Variants in RINL observed in about 807,000 individuals in gnomAD.
RINL encodes Ras and Rab interactor like.
A neutral mutation model predicts 58.1 loss-of-function variants in RINL; 39 were observed. The observed-to-expected ratio is 0.67, with a 90% CI of 0.52 to 0.88. The LOEUF is 0.88. Ranked by LOEUF, RINL falls within the 40% of genes least tolerant of loss-of-function variation. The pLI, the probability that RINL is intolerant of heterozygous loss-of-function variation, is 0.00. For missense variants in RINL, 711 were observed against 749.2 expected (o/e 0.95, Z 0.60); for synonymous variants, 286 against 323.1 (o/e 0.89, Z 1.23).
In RINL at chr19:38,870,365, C is replaced by T. The variant is rs190257580; in HGVS notation, c.1025-105G>A. The T allele has an allele frequency of 3.0e-5, 32 of 1,071,508 alleles. No individual in the cohort carries two copies. The Admixed American group carries it at 8.5e-4, about 29-fold the overall frequency. 66.4% of individuals were successfully genotyped at this position (1,071,508 alleles called of 1,614,324 possible). ...GGCCCACAGCCACCCCTGCCTAGCT[C>T]TGGTCCCCCGTGAGTGTAGACATGG... On this transcript the variant is annotated intron_variant, in intron 8 of 11. Coordinates refer to ENST00000591812, the MANE Select transcript of RINL (RefSeq NM_001195833.2). This position sits in a 1 kb window ranked among gnomAD's most constrained non-coding sequence, Gnocchi z 5.8.
chr19:38,871,335 A>T, intron 6 of RINL, 108 bp from the exon 7 acceptor site: 1 of 1,276,858 alleles, frequency 7.8e-7, no homozygotes, highest in Non-Finnish European at 1.1e-6. Flanking sequence ...GGAGGTGCTG[A>T]GGCTTAGCTC....
In RINL at chr19:38,869,915, C is replaced by T. The variant is rs1972761044; in HGVS notation, c.1342+28G>A. ...GCTCCAACTCTCAAGGCTCTCCCCA[C>T]CACGCTAGACGTTGACCCCTCCCTT... On this transcript the variant is annotated intron_variant, in intron 9 of 11. Transcript: ENST00000591812. This position sits in a 1 kb window ranked among gnomAD's most constrained non-coding sequence, Gnocchi z 5.7. 10 of 1,573,368 alleles carry T rather than the reference C, an allele frequency of 6.4e-6. No individual in the cohort carries two copies. The East Asian group carries it at 2.1e-4, about 33-fold the overall frequency.
intron 3 of RINL, among the ~76,000 whole-genome samples, chr19:38,876,121 A>C (rs969748712): frequency 4.0e-5 from 6 of 148,876 alleles, no homozygotes; most frequent in Admixed American, 3.4e-4. Context: ...GTGAAGTGGC[A>C]TGATCTCAGC....
rs1972822802 is a variant in RINL at position 38,871,830 on chromosome 19, C to T, written c.354G>A (p.Leu118=). Residue 118 remains leucine, a synonymous_variant, in exon 5 of 12, where the codon CTG becomes CTA. Coordinates refer to ENST00000591812, the MANE Select transcript of RINL (RefSeq NM_001195833.2). Reference sequence around the variant, plus strand: ...CTGATAGAAAGGCCAGGAGATGGGGCAGGTCTGGCATGCAGAGGTTGGAGG... The same window carrying T: ...CTGATAGAAAGGCCAGGAGATGGGGTAGGTCTGGCATGCAGAGGTTGGAGG... ...LESSNLCMPD[L]PHLLAFLSAS... 1 of 1,613,992 alleles carries T rather than the reference C, an allele frequency of 6.2e-7. No homozygotes were observed. The highest frequency in any genetic ancestry group is 1.3e-5 in the African/African-American group (1 of 74,918).
chr19:38,876,532 G>T, intron 2 of RINL, 42 bp from the exon 3 acceptor site: 1 of 1,526,790 alleles, frequency 6.5e-7, no homozygotes, highest in Non-Finnish European at 8.8e-7. Context: ...TCAGAGGTGG[G>T]CAGTGGGACA....
intron 1 of RINL, among the ~76,000 whole-genome samples, chr19:38,877,085 T>C (rs975805336): frequency 6.6e-6 from 1 of 152,154 alleles, no homozygotes; most frequent in African/African-American, 2.4e-5. Context: ...GGGTAATTTT[T>C]GTATTTTTTA....
At chr19:38,871,975 C>A in intron 4 of RINL, 105 bp from the exon 5 acceptor site, 1 of 855,992 alleles carries the variant, frequency 1.2e-6, no homozygotes, top group East Asian at 2.6e-5. Context: ...CCCCCAGGGA[C>A]CTTCAGAACA....
In RINL at chr19:38,870,373, C is replaced by A; in HGVS notation, c.1025-113G>T. 9.5e-7 allele frequency: 1 copy of A among 1,048,702 alleles called. No individual in the cohort carries two copies. The highest frequency in any genetic ancestry group is 1.8e-5 in the South Asian group (1 of 56,956). The allele number at this position is 1,048,702 out of a possible 1,614,324, so 65.0% of individuals were successfully genotyped here. ...GCCACCCCTGCCTAGCTCTGGTCCC[C>A]CGTGAGTGTAGACATGGTTGTGAAC... is the stretch of plus-strand genomic sequence containing the variant. On this transcript the variant is annotated intron_variant, in intron 8 of 11. Coordinates refer to ENST00000591812, the MANE Select transcript of RINL (RefSeq NM_001195833.2). This position sits in a 1 kb window ranked among gnomAD's most constrained non-coding sequence, Gnocchi z 5.8.
In RINL at chr19:38,869,908, C is replaced by T. The variant is rs1484188488; in HGVS notation, c.1342+35G>A. ...CCGCCTGGCTCCAACTCTCAAGGCT[C>T]TCCCCACCACGCTAGACGTTGACCC... On this transcript the variant is annotated intron_variant, in intron 9 of 11. Transcript: ENST00000591812. The surrounding 1 kb of genome is among the most constrained non-coding windows in gnomAD (Gnocchi z 5.7). The T allele has an allele frequency of 1.3e-6, 2 of 1,564,720 alleles. No homozygotes were observed. The highest frequency in any genetic ancestry group is 1.2e-5 in the South Asian group (1 of 85,774).
chr19:38,876,174 C>T (rs1001414), intron 3 of RINL, among the ~76,000 whole-genome samples, 157 bp downstream of exon 3: 5,616 of 152,080 alleles, frequency 0.037, 330 homozygotes, highest in African/African-American at 0.13. Context: ...ATCCTCCCAC[C>T]TCAGCCTCAT....
intron 7 of RINL, 40 bp downstream of exon 7, chr19:38,871,038 C>A: frequency 6.3e-7 from 1 of 1,578,640 alleles, no homozygotes; most frequent in Non-Finnish European, 8.6e-7. Flanking sequence ...GGGGCAGCAG[C>A]TCCCTCCCCT....
At chr19:38,877,210 C>T (rs1370643124) in intron 1 of RINL, among the ~76,000 whole-genome samples, 3 of 152,284 alleles carry the variant, frequency 2.0e-5, no homozygotes, top group South Asian at 2.1e-4. Context: ...CCACCACACC[C>T]GGCCGGCAGG....
chr19:38,872,484 CAATAAATA>C (rs559628594), intron 4 of RINL, among the ~76,000 whole-genome samples: 2 of 151,434 alleles, frequency 1.3e-5, no homozygotes, highest in Non-Finnish European at 1.5e-5. Context: ...GAGACTATCT[CAATAAATA>C]AATAAATAAA....
In RINL at chr19:38,869,109, T is replaced by C; in HGVS notation, c.1696A>G (p.Asn566Asp). Residue 566 changes from asparagine (N) to aspartate (D), a missense_variant, in exon 12 of 12, where the codon AAC becomes GAC. Coordinates refer to ENST00000591812, the MANE Select transcript of RINL (RefSeq NM_001195833.2). The surrounding 1 kb of genome is among the most constrained non-coding windows in gnomAD (Gnocchi z 5.7). ...AEETVTGTSD[N>D] ...AACGGAGGGGTGTGAAACCCCTAGT[T>C]GTCACTGGTCCCTGTCACAGTCTCT... 6.2e-7 allele frequency: 1 copy of C among 1,600,880 alleles called. No individual in the cohort carries two copies. The highest frequency in any genetic ancestry group is 2.2e-5 in the East Asian group (1 of 44,666).
chr19:38,871,191 G>A lies in RINL; in HGVS notation c.488C>T (p.Pro163Leu). ...VQIGRVQQDTPGKVLSIVNQL... is the reference protein window; with the variant it reads ...VQIGRVQQDTLGKVLSIVNQL... Reference sequence around the variant, plus strand: ...GTTCACAATGGAAAGCACCTTCCCTGGGGTGTCCTGTTGGACCCTGCCGAT... The same window carrying A: ...GTTCACAATGGAAAGCACCTTCCCTAGGGTGTCCTGTTGGACCCTGCCGAT... Residue 163 changes from proline (P) to leucine (L), a missense_variant, in exon 7 of 12, where the codon CCA becomes CTA. Transcript: ENST00000591812. The A allele has an allele frequency of 6.2e-7, 1 of 1,614,010 alleles. No individual in the cohort carries two copies. The highest frequency in any genetic ancestry group is 8.5e-7 in the Non-Finnish European group (1 of 1,179,980).
chr19:38,869,882 C>T lies in RINL; in HGVS notation c.1342+61G>A, dbSNP rs1244974645. ...ATTCCTCCCACCAGTGCTACCCTCT[C>T]CCGCCTGGCTCCAACTCTCAAGGCT... On this transcript the variant is annotated intron_variant, in intron 9 of 11. Coordinates refer to ENST00000591812, the MANE Select transcript of RINL (RefSeq NM_001195833.2). The surrounding 1 kb of genome is among the most constrained non-coding windows in gnomAD (Gnocchi z 5.7). 4 of 1,541,466 alleles carry T rather than the reference C, an allele frequency of 2.6e-6. No individual in the cohort carries two copies. Among genetic ancestry groups the T allele is most frequent in the Admixed American group, 2.0e-5 (1 of 49,858 alleles).
In RINL at chr19:38,876,677, G is replaced by A; in HGVS notation, c.50+16C>T. 2 of 1,534,822 alleles carry A rather than the reference G, an allele frequency of 1.3e-6. No homozygotes were observed. Among genetic ancestry groups the A allele is most frequent in the Non-Finnish European group, 1.7e-6 (2 of 1,145,702 alleles). On this transcript the variant is annotated intron_variant, in intron 2 of 11. Coordinates refer to ENST00000591812, the MANE Select transcript of RINL (RefSeq NM_001195833.2). ...GCAGGGGAAGGAGGGCATAGCCTCA[G>A]CCCTAGTAGCCTCACCTCACCCCCT...
chr19:38,873,887 T>C lies in RINL; in HGVS notation c.312A>G (p.Arg104=). ...VNTYQIQKIP[R]GVSLESSNLC... ...GGAACCTCAGGGGAGGTGCCTTACC[T>C]CTGGGAATCTTCTGGATCTGGTAGG... Residue 104 remains arginine (R), a splice_region_variant and synonymous_variant, in exon 4 of 12, where the codon AGA becomes AGG. Transcript: ENST00000591812. 6.6e-7 allele frequency: 1 copy of C among 1,525,678 alleles called. No individual in the cohort carries two copies. 94.5% of individuals were successfully genotyped at this position (1,525,678 alleles called of 1,614,324 possible).
intron 3 of RINL, among the ~76,000 whole-genome samples, chr19:38,876,022 G>A (rs1363844039): frequency 6.6e-6 from 1 of 150,862 alleles, no homozygotes; most frequent in Non-Finnish European, 1.5e-5. Context: ...ATTTATAAGT[G>A]TTCTGAAGTT....
Sources: allele counts gnomAD v4.1 joint callset (sites outside exome capture counted in the v4.1 genomes callset), GRCh38; gene constraint gnomAD v4.1.1; non-coding constraint Gnocchi (gnomAD v3.1); transcripts MANE v1.5; gene names NCBI Gene and HGNC (gene_info 2026-07-23, HGNC 2026-07-21).